GRIA3: variants seen among roughly 807,000 people sequenced by gnomAD.
GRIA3 encodes the protein glutamate receptor 3.
GRIA3 carries 3 observed loss-of-function variants against 63.0 expected under a neutral mutation model. That is an observed-to-expected ratio of 0.05 (90% CI 0.02 to 0.12). The LOEUF is 0.12. GRIA3 is among the 10% of genes least tolerant of loss of function. The pLI is 1.00. For synonymous variants in GRIA3, 274 were observed against 257.9 expected, an observed-to-expected ratio of 1.06 and a Z score of -0.60; for missense variants, 347 against 700.9, an observed-to-expected ratio of 0.50 and a Z score of 5.70.
At chrX:123,333,320 T>C (rs1431119625) in intron 4 of GRIA3, among the ~76,000 whole-genome samples, 2 of 111,266 alleles carry the variant, frequency 1.8e-5, no homozygotes, top group Non-Finnish European at 3.8e-5. Flanking sequence ...GTAATTCATA[T>C]AGAAGAAGGA....
intron 2 of GRIA3, among the ~76,000 whole-genome samples, chrX:123,233,651 T>C (rs1218099493): frequency 1.8e-5 from 2 of 111,960 alleles, no homozygotes; most frequent in African/African-American, 3.2e-5. Flanking sequence ...GTTACTAAGA[T>C]CTGCCTGCAG....
intron 3 of GRIA3, among the ~76,000 whole-genome samples, chrX:123,314,396 A>G (rs1233787259): frequency 2.7e-5 from 3 of 112,179 alleles, no homozygotes; most frequent in African/African-American, 9.7e-5. Flanking sequence ...AAACAGAAAC[A>G]TGAAGGAACT....
intron 10 of GRIA3, among the ~76,000 whole-genome samples, chrX:123,407,434 A>C (rs1324346539): frequency 9.0e-6 from 1 of 111,061 alleles, no homozygotes; most frequent in East Asian, 2.8e-4. Context: ...TGTTTTTCAC[A>C]GTTCTGGAGG....
At chrX:123,401,931 T>C (rs1291718531) in intron 7 of GRIA3, among the ~76,000 whole-genome samples, 1 of 111,924 alleles carries the variant, frequency 8.9e-6, no homozygotes, top group Non-Finnish European at 1.9e-5. Flanking sequence ...TTGTAGAGGG[T>C]ATTTCATCCA....
At chrX:123,395,622 T>C (rs2045409194) in intron 6 of GRIA3, among the ~76,000 whole-genome samples, 1 of 112,046 alleles carries the variant, frequency 8.9e-6, no homozygotes, top group African/African-American at 3.2e-5. Context: ...TCCTGCCTGC[T>C]AAAGTATCTT....
intron 2 of GRIA3, among the ~76,000 whole-genome samples, chrX:123,197,700 C>A (rs1474264933): frequency 8.9e-6 from 1 of 111,945 alleles, no homozygotes; most frequent in East Asian, 2.8e-4. Flanking sequence ...TTTATGAGAG[C>A]CTGTGATAAA....
intron 12 of GRIA3, among the ~76,000 whole-genome samples, chrX:123,463,615 A>G (rs78029630): frequency 0.13 from 1,430 of 11,256 alleles, 59 homozygotes; most frequent in African/African-American, 0.21. Context: ...AGGGAGGGAA[A>G]GAAAGAAAGA....
At chrX:123,410,020 A>G (rs1238061339) in intron 10 of GRIA3, among the ~76,000 whole-genome samples, 2 of 111,738 alleles carry the variant, frequency 1.8e-5, no homozygotes, top group African/African-American at 6.5e-5. Flanking sequence ...GGGGCTTACA[A>G]TCTAGTTGGA....
chrX:123,408,463 A>C (rs1047339346), intron 10 of GRIA3, among the ~76,000 whole-genome samples: 1 of 111,923 alleles, frequency 8.9e-6, no homozygotes. Context: ...GACAAAGACC[A>C]ATTTTCTCAC....
At chrX:123,215,957 G>T (rs1217585367) in intron 2 of GRIA3, among the ~76,000 whole-genome samples, 2 of 112,005 alleles carry the variant, frequency 1.8e-5, no homozygotes, top group African/African-American at 6.5e-5. Flanking sequence ...TGTGCCCGGT[G>T]CTGTACTACA....
intron 3 of GRIA3, among the ~76,000 whole-genome samples, chrX:123,313,017 C>T (rs1213969477): frequency 1.8e-5 from 2 of 111,118 alleles, no homozygotes; most frequent in Non-Finnish European, 1.9e-5. Flanking sequence ...CCACCACAAA[C>T]AGCCTGACTT....
chrX:123,399,893 C>A (rs577207732), intron 7 of GRIA3, among the ~76,000 whole-genome samples: 3 of 111,928 alleles, frequency 2.7e-5, no homozygotes, highest in African/African-American at 9.7e-5. Context: ...ATTTTCCCAT[C>A]ATGCAGATTT....
chrX:123,236,187 T>C (rs935052777), intron 2 of GRIA3, among the ~76,000 whole-genome samples: 9 of 111,792 alleles, frequency 8.1e-5, no homozygotes, highest in Admixed American at 2.9e-4. Context: ...GCACTTATGT[T>C]TAGTGCCACC....
At chrX:123,264,458 G>T (rs192783996) in intron 3 of GRIA3, among the ~76,000 whole-genome samples, 1 of 111,067 alleles carries the variant, frequency 9.0e-6, no homozygotes, top group East Asian at 2.8e-4. Context: ...ATGAAAGGGG[G>T]CCCAATAGAG....
At chrX:123,475,947 G>T (rs2045884901) in intron 13 of GRIA3, among the ~76,000 whole-genome samples, 1 of 111,558 alleles carries the variant, frequency 9.0e-6, no homozygotes, top group Non-Finnish European at 1.9e-5. Context: ...GCACAGGTTT[G>T]TGCAAATTGC....
At chrX:123,331,720 T>A (rs1478672505) in intron 4 of GRIA3, among the ~76,000 whole-genome samples, 1 of 111,849 alleles carries the variant, frequency 8.9e-6, no homozygotes, top group East Asian at 2.8e-4. Flanking sequence ...TTGGAATATT[T>A]TGTTTGCCAT....
Position 123,186,288 on chromosome X carries a change from C to CT in GRIA3, c.268+308dup, listed in dbSNP as rs1168164042. Among the ~76,000 whole-genome samples the CT allele has an allele frequency of 2.0e-3, 210 of 105,411 alleles. 2 individuals carry two copies. The highest frequency in any genetic ancestry group is 0.014 in the Middle Eastern group (3 of 212). 91.5% of individuals were successfully genotyped at this position (105,411 alleles called of 115,157 possible). A position where few individuals can be genotyped will look rare whatever the true frequency, so the allele number is the denominator to read the frequency against. On this transcript the variant is annotated intron_variant, in intron 2 of 15. Coordinates refer to ENST00000620443, the MANE Select transcript of GRIA3 (RefSeq NM_007325.5). ...GTGTTCCTTCTCCAACACTCTCTCT[C>CT]TTTTTTTTTTAACTGGGGAAAAAAA...
At chrX:123,296,729 C>A (rs1054221650) in intron 3 of GRIA3, among the ~76,000 whole-genome samples, 1 of 111,355 alleles carries the variant, frequency 9.0e-6, no homozygotes, top group African/African-American at 3.3e-5. Flanking sequence ...ACTTAGTTCA[C>A]TGGAGCAGAA....
At chrX:123,344,507 A>G (rs1015748707) in intron 4 of GRIA3, among the ~76,000 whole-genome samples, 9 of 111,487 alleles carry the variant, frequency 8.1e-5, no homozygotes, top group African/African-American at 2.9e-4. Flanking sequence ...TCACCTCCAG[A>G]GGTCCCAGAG....
Sources: gnomAD v4.1 joint callset for allele counts (sites outside exome capture counted in the v4.1 genomes callset) on GRCh38, gnomAD v4.1.1 for gene constraint, MANE v1.5 for transcripts, NCBI Gene and HGNC (gene_info 2026-07-23, HGNC 2026-07-21) for gene names.